The following PTGER3 variants were observed in gnomAD, a reference collection of about 807,000 sequenced individuals.
PTGER3 encodes the protein prostaglandin E2 receptor EP3 subtype.
A neutral mutation model predicts 34.7 loss-of-function variants in PTGER3; 22 were observed. The ratio of observed to expected loss-of-function variants is 0.63; its 90% CI spans 0.45 to 0.91. PTGER3 has a LOEUF of 0.91. Ranked by LOEUF, PTGER3 falls within the 40% of genes least tolerant of loss-of-function variation. The probability of loss-of-function intolerance (pLI) is 0.00; values close to 1 mark genes in which losing one functional copy is unlikely to be tolerated. For missense variants in PTGER3, 468 were observed against 519.4 expected (o/e 0.90, Z 0.96); for synonymous variants, 241 against 230.1 (o/e 1.05, Z -0.43).
At chr1:70,951,969 A>C (rs1030656688), downstream of PTGER3, among the ~76,000 whole-genome samples, 5 of 152,120 alleles carry the variant, frequency 3.3e-5, no homozygotes, top group Non-Finnish European at 5.9e-5. Flanking sequence ...TGTTAACCAA[A>C]GGAAGAAACA....
rs560062361 is a variant in PTGER3 at position 70,871,902 on chromosome 1, C to G, written c.*24-19043G>C. Among the ~76,000 whole-genome samples, 4 of 152,194 alleles carry G rather than the reference C, an allele frequency of 2.6e-5. No homozygotes were observed. The South Asian group carries it at 8.3e-4, about 32-fold the overall frequency. On this transcript the variant is annotated intron_variant, in intron 4 of 4. Coordinates refer to the PTGER3 transcript ENST00000370931. ...TTAGCTTACCAAAAGTTAAAGTATG[C>G]TCTCCCCTCCCACATTCCATTTGAG...
At chr1:70,945,350 C>T (rs942807709) in intron 4 of PTGER3, among the ~76,000 whole-genome samples, 1 of 152,088 alleles carries the variant, frequency 6.6e-6, no homozygotes, top group East Asian at 1.9e-4. Context: ...TCATTTAGAA[C>T]TGTCATTCAT....
At chr1:70,852,754 G>T in exon 5 of PTGER3, 2 of 1,477,908 alleles carry the variant, frequency 1.4e-6, no homozygotes, top group South Asian at 2.3e-5. Flanking sequence ...AGTTTGGGAG[G>T]TGGGTGTTTC....
At chr1:70,957,211 T>C (rs1384679067) in intron 2 of PTGER3, among the ~76,000 whole-genome samples, 1 of 152,188 alleles carries the variant, frequency 6.6e-6, no homozygotes, top group African/African-American at 2.4e-5. Flanking sequence ...AATCATCTTT[T>C]AAATGGGCAT....
intron 2 of PTGER3, chr1:71,011,223 C>G: frequency 1.0e-6 from 1 of 985,238 alleles, no homozygotes; most frequent in South Asian, 4.7e-5. Context: ...TTAGATAGAG[C>G]CACTTTGAGG....
At chr1:70,907,930 C>T (rs1557646459) in intron 4 of PTGER3, among the ~76,000 whole-genome samples, 1 of 152,126 alleles carries the variant, frequency 6.6e-6, no homozygotes, top group Non-Finnish European at 1.5e-5. Context: ...CTACTGCGGG[C>T]AGAGCTTCAA....
At position 71,046,805 on chromosome 1, in the gene PTGER3, G is replaced by T. The variant is rs1047633968; in HGVS notation, c.773C>A (p.Ser258Tyr). The change falls in exon 1 of 4, where the codon TCC becomes TAC. Residue 258 changes from serine (S) to tyrosine (Y), a missense_variant. Coordinates refer to ENST00000306666, the MANE Select transcript of PTGER3 (RefSeq NM_198719.2). ...TGCCGTGGCCTTGGCCCGGCAGCGGGACACCAGGGCCTTAATGGTGGCCAG... is the reference window on the plus strand; with the variant it reads ...TGCCGTGGCCTTGGCCCGGCAGCGGTACACCAGGGCCTTAATGGTGGCCAG... ...CNLATIKALVSRCRAKATASQ... is the reference protein window; with the variant it reads ...CNLATIKALVYRCRAKATASQ... 3 of 1,614,120 alleles carry T rather than the reference G, an allele frequency of 1.9e-6. No homozygotes were observed. Among genetic ancestry groups the T allele is most frequent in the Non-Finnish European group, 2.5e-6 (3 of 1,180,054 alleles).
At chr1:71,012,610 C>T (rs932364906) in intron 1 of PTGER3, 126 bp from the exon 2 acceptor site, 9 of 771,694 alleles carry the variant, frequency 1.2e-5, no homozygotes. Context: ...TTAATTCAAG[C>T]AACATTTATA....
chr1:70,902,125 A>G (rs763663752), intron 4 of PTGER3, among the ~76,000 whole-genome samples: 3 of 152,362 alleles, frequency 2.0e-5, no homozygotes, highest in Admixed American at 6.5e-5. Context: ...AAAGATACCT[A>G]TAAGTCAATT....
chr1:71,019,710 T>C (rs984887772), intron 1 of PTGER3, among the ~76,000 whole-genome samples: 1 of 152,230 alleles, frequency 6.6e-6, no homozygotes, highest in African/African-American at 2.4e-5. Context: ...AATCACACAC[T>C]TAAAAATCTT....
At chr1:70,870,577 A>G (rs760309678) in intron 4 of PTGER3, among the ~76,000 whole-genome samples, 21 of 152,282 alleles carry the variant, frequency 1.4e-4, no homozygotes, top group Middle Eastern at 6.8e-3. Flanking sequence ...TATAAATTCA[A>G]TTTTAAGTCA....
intron 2 of PTGER3, among the ~76,000 whole-genome samples, chr1:70,991,457 G>T (rs1453442609): frequency 6.6e-6 from 1 of 152,062 alleles, no homozygotes; most frequent in Admixed American, 6.6e-5. Context: ...AGAATACTAG[G>T]GTATAGAGAA....
intron 1 of PTGER3, among the ~76,000 whole-genome samples, chr1:71,043,228 C>A (rs1351764589): frequency 6.6e-6 from 1 of 152,112 alleles, no homozygotes; most frequent in East Asian, 1.9e-4. Context: ...TGGCTGATTG[C>A]AACAGAATGA....
rs1660865188 is a variant in PTGER3, at chr1:71,046,781, G to A, written c.797C>T (p.Ala266Val). Residue 266 changes from alanine to valine, a missense_variant, in exon 1 of 4, where the codon GCA (alanine) becomes GTA (valine). Around this residue, in one of 5 missense-constraint regions of PTGER3, gnomAD observed 204 missense variants for 230.8 expected, o/e 0.88. Coordinates refer to ENST00000306666, the MANE Select transcript of PTGER3 (RefSeq NM_198719.2). ...LVSRCRAKAT[A>V]SQSSAQWGRI... The stretch of plus-strand genomic sequence containing the variant: ...GCCCCACTGGGCACTGGACTGAGAT[G>A]CCGTGGCCTTGGCCCGGCAGCGGGA... 3 of 1,614,062 alleles carry A rather than the reference G, an allele frequency of 1.9e-6. No homozygotes were observed. The highest frequency in any genetic ancestry group is 2.5e-6 in the Non-Finnish European group (3 of 1,180,056).
In PTGER3 at chr1:70,881,914, T is replaced by C. The variant is rs970700921; in HGVS notation, c.*24-29055A>G. 5.9e-5 allele frequency among the ~76,000 whole-genome samples: 9 copies of C among 152,176 alleles called. No homozygotes were observed. The East Asian group carries it at 1.5e-3, about 26-fold the overall frequency. On this transcript the variant is annotated intron_variant, in intron 4 of 4. Transcript: ENST00000370931. ...CCACTGAGCTGGAAGCTCTAGCAGA[T>C]GTGGCCCATCTTGCTATGAGAGGCA...
chr1:70,905,234 T>C (rs1029017737), intron 4 of PTGER3, among the ~76,000 whole-genome samples: 1 of 151,758 alleles, frequency 6.6e-6, no homozygotes, highest in Non-Finnish European at 1.5e-5. Flanking sequence ...GCTGCAGGGG[T>C]GGGGCATTCA....
At chr1:71,045,942 C>G (rs1177428136) in intron 1 of PTGER3, among the ~76,000 whole-genome samples, 1 of 151,504 alleles carries the variant, frequency 6.6e-6, no homozygotes, top group Non-Finnish European at 1.5e-5. Flanking sequence ...AGGGCTGTGA[C>G]TGTATGGGGT....
chr1:71,009,820 C>G (rs1033223870), intron 2 of PTGER3: 14 of 985,086 alleles, frequency 1.4e-5, no homozygotes, highest in Non-Finnish European at 1.6e-5. Flanking sequence ...TAAAATTAAA[C>G]TTAGACACGT....
chr1:70,940,446 C>T (rs1447569920), intron 4 of PTGER3, among the ~76,000 whole-genome samples: 1 of 152,146 alleles, frequency 6.6e-6, no homozygotes, highest in Non-Finnish European at 1.5e-5. Context: ...TCTACTGGTA[C>T]CACTTTACTG....
Sources: allele counts gnomAD v4.1 joint callset (sites outside exome capture counted in the v4.1 genomes callset), GRCh38; gene constraint gnomAD v4.1.1; regional missense constraint gnomAD v4.1.1; transcripts MANE v1.5; gene names NCBI Gene and HGNC (gene_info 2026-07-23, HGNC 2026-07-21).